Variants in KIAA0586 observed in about 807,000 individuals in gnomAD.
The protein encoded by KIAA0586 is KIAA0586, also known as protein TALPID3.
In KIAA0586, 144 loss-of-function variants were observed where a neutral mutation model predicts 169.8. The ratio of observed to expected loss-of-function variants is 0.85; its 90% CI spans 0.74 to 0.97. The LOEUF is 0.97. Ranked by LOEUF, KIAA0586 falls within the 50% of genes least tolerant of loss-of-function variation. The pLI is 0.00. For synonymous variants in KIAA0586, 625 were observed against 612.4 expected (o/e 1.02, Z -0.30); for missense variants, 1,854 against 1,823.0 (o/e 1.02, Z -0.31).
In KIAA0586 at chr14:58,529,319, A is replaced by G. The variant is rs182635329; in HGVS notation, c.4430-10752A>G. 1.3e-3 allele frequency among the ~76,000 whole-genome samples: 198 copies of G among 152,348 alleles called. 1 individual carries two copies. The highest frequency in any genetic ancestry group is 2.2e-3 in the Non-Finnish European group (152 of 68,032). ...TATTCCTTCTGAAACTATTCCAAAG[A>G]ATAGAAAAAGAGAGACTGCTCCCTT... is the stretch of plus-strand genomic sequence containing the variant. On this transcript the variant is annotated intron_variant, in intron 29 of 30. Transcript: ENST00000652326.
At chr14:58,521,409 G>A in intron 29 of KIAA0586, 1 of 829,492 alleles carries the variant, frequency 1.2e-6, no homozygotes, top group Non-Finnish European at 2.1e-6. Flanking sequence ...TGAGAGAAAT[G>A]CCCGGGCCGC....
intron 6 of KIAA0586, among the ~76,000 whole-genome samples, chr14:58,445,762 C>T (rs1448156476): frequency 1.4e-5 from 2 of 141,286 alleles, no homozygotes; most frequent in Admixed American, 7.3e-5. Flanking sequence ...TCCTAGAACA[C>T]GACTTAGCAC....
intron 4 of KIAA0586, among the ~76,000 whole-genome samples, chr14:58,436,028 A>G (rs776050602): frequency 6.6e-6 from 1 of 152,172 alleles, no homozygotes; most frequent in Non-Finnish European, 1.5e-5. Context: ...CATTCTTAAC[A>G]TGAAGGACAA....
chr14:58,477,228 GACTTCTGACATTGGTAA>G lies in KIAA0586; in HGVS notation c.2932_2944+4del, dbSNP rs1278372009. The stretch of plus-strand genomic sequence containing the variant: ...CAGTCAGTGAGACAAGTGAACCACT[GACTTCTGACATTGGTAA>G]GTGAAATAGAATTTTTTTTTGTTTT... On this transcript the variant is annotated splice_donor_variant and splice_donor_region_variant and coding_sequence_variant and intron_variant, in exon 20 of 31. Coordinates refer to ENST00000652326, the MANE Select transcript of KIAA0586 (RefSeq NM_001329943.3). LOFTEE classifies it high-confidence loss of function. 11 of 1,534,618 alleles carry G rather than the reference GACTTCTGACATTGGTAA, an allele frequency of 7.2e-6. No homozygotes were observed. The highest frequency in any genetic ancestry group is 1.4e-5 in the African/African-American group (1 of 73,420).
chr14:58,471,963 G>T (rs1387657972), intron 17 of KIAA0586, among the ~76,000 whole-genome samples: 1 of 152,106 alleles, frequency 6.6e-6, no homozygotes, highest in African/African-American at 2.4e-5. Context: ...TGCTGATGGA[G>T]TCCTTTACAG....
rs2043338718 is a variant in KIAA0586 at position 58,498,694 on chromosome 14, A to AG, written c.3991-86dup. 7 of 1,096,374 alleles carry AG rather than the reference A, an allele frequency of 6.4e-6. No individual in the cohort carries two copies. The East Asian group carries it at 1.8e-4, about 28-fold the overall frequency. The allele number at this position is 1,096,374 out of a possible 1,614,324, so 67.9% of individuals were successfully genotyped here. A position where few individuals can be genotyped will look rare whatever the true frequency, so the allele number is the denominator to read the frequency against. ...TGTAAAATACCTTCCAAGGAGTCAAAGGGTATTGTTCATGATATTTGGCAA... is the reference window on the plus strand; with the variant it reads ...TGTAAAATACCTTCCAAGGAGTCAAAGGGGTATTGTTCATGATATTTGGCAA... On this transcript the variant is annotated intron_variant, in intron 26 of 30. Coordinates refer to ENST00000652326, the MANE Select transcript of KIAA0586 (RefSeq NM_001329943.3).
chr14:58,442,973 A>G, intron 5 of KIAA0586, 93 bp downstream of exon 5: 1 of 913,560 alleles, frequency 1.1e-6, no homozygotes, highest in East Asian at 2.7e-5. Context: ...GTCCAGTTAT[A>G]GACTAGGAAC....
At chr14:58,524,016 G>T (rs559474345) in intron 29 of KIAA0586, among the ~76,000 whole-genome samples, 13 of 152,194 alleles carry the variant, frequency 8.5e-5, no homozygotes, top group South Asian at 8.3e-4. Context: ...ATTTCAAGCA[G>T]GTAACAGTGG....
intron 3 of KIAA0586, among the ~76,000 whole-genome samples, chr14:58,431,542 C>G (rs775322014): frequency 1.1e-4 from 17 of 152,180 alleles, no homozygotes; most frequent in Middle Eastern, 3.2e-3. Flanking sequence ...GTTGGGATTA[C>G]AGGCGTGAGC....
intron 15 of KIAA0586, among the ~76,000 whole-genome samples, chr14:58,466,851 T>C (rs1382957333): frequency 1.3e-5 from 2 of 152,236 alleles, no homozygotes; most frequent in African/African-American, 4.8e-5. Context: ...ACTTTTGAAC[T>C]AGGCTATCAT....
At chr14:58,462,893 A>G (rs984354680) in intron 14 of KIAA0586, among the ~76,000 whole-genome samples, 4 of 152,172 alleles carry the variant, frequency 2.6e-5, no homozygotes, top group African/African-American at 7.2e-5. Flanking sequence ...TTAAAGCATC[A>G]GATCTCATGA....
intron 30 of KIAA0586, among the ~76,000 whole-genome samples, chr14:58,547,172 G>T (rs950974509): frequency 1.4e-5 from 2 of 140,196 alleles, no homozygotes; most frequent in Non-Finnish European, 3.1e-5. Context: ...AAAAAAAAAA[G>T]TTCTTGCTCT....
intron 29 of KIAA0586, among the ~76,000 whole-genome samples, chr14:58,536,005 G>A (rs945976561): frequency 8.5e-5 from 13 of 152,050 alleles, no homozygotes; most frequent in African/African-American, 3.1e-4. Context: ...GACTCTTACT[G>A]AAAATAGCAT....
rs2042843906 is a variant in KIAA0586 at position 58,491,699 on chromosome 14, A to G, written c.3859-445A>G. Among the ~76,000 whole-genome samples, 5 of 152,196 alleles carry G rather than the reference A, an allele frequency of 3.3e-5. No homozygotes were observed. In the South Asian group the frequency reaches 6.2e-4, roughly 19 times the overall value. The stretch of plus-strand genomic sequence containing the variant: ...GGACATTGAGGTCTATAGCTGCCAT[A>G]CCATACTTCTGCAGTTTTTCATTTT... On this transcript the variant is annotated intron_variant, in intron 25 of 30. Transcript: ENST00000652326.
At chr14:58,538,675 ATT>A (rs76998508) in intron 29 of KIAA0586, among the ~76,000 whole-genome samples, 59 of 133,472 alleles carry the variant, frequency 4.4e-4, no homozygotes, top group Non-Finnish European at 4.1e-4. Flanking sequence ...CATTCTTTCT[ATT>A]TTTTTTTTTT....
Position 58,523,567 on chromosome 14 carries a change from T to G in KIAA0586, c.4429+10940T>G, listed in dbSNP as rs552528159. ...TATTACAAATAATTTAACCTTATAA[T>G]CACAGAGGTAAATACAGATTTGATA... On this transcript the variant is annotated intron_variant, in intron 29 of 30. Coordinates refer to ENST00000652326, the MANE Select transcript of KIAA0586 (RefSeq NM_001329943.3). Among the ~76,000 whole-genome samples, 14 of 152,144 alleles carry G rather than the reference T, an allele frequency of 9.2e-5. 1 individual carries two copies. In the South Asian group the frequency reaches 2.9e-3, roughly 32 times the overall value.
Position 58,472,231 on chromosome 14 carries a change from G to A in KIAA0586, c.2586G>A (p.Glu862=), listed in dbSNP as rs2141002433. The A allele has an allele frequency of 1.3e-6, 2 of 1,587,538 alleles. No homozygotes were observed. Among genetic ancestry groups the A allele is most frequent in the Middle Eastern group, 1.7e-4 (1 of 6,004 alleles). ...TPEIMKVDEE[E]VKFPGTNFDE... ...AAATTATGAAGGTAGATGAAGAAGA[G>A]GTGAAGTTTCCAGGAACTAACTTTG... The change falls in exon 18 of 31, where the codon GAG becomes GAA. Residue 862 remains glutamate, a synonymous_variant. Transcript: ENST00000652326.
intron 21 of KIAA0586, among the ~76,000 whole-genome samples, chr14:58,483,743 A>G (rs1333802924): frequency 6.6e-6 from 1 of 152,206 alleles, no homozygotes; most frequent in Admixed American, 6.5e-5. Flanking sequence ...AAATTATACA[A>G]AGCCAAAATT....
At chr14:58,528,608 G>A (rs61215281) in intron 29 of KIAA0586, among the ~76,000 whole-genome samples, 2,003 of 152,164 alleles carry the variant, frequency 0.013, 50 homozygotes, top group African/African-American at 0.045. Flanking sequence ...GTGACTACTC[G>A]GTAAATAATG....
Sources: allele counts gnomAD v4.1 joint callset (sites outside exome capture counted in the v4.1 genomes callset), GRCh38; gene constraint gnomAD v4.1.1; transcripts MANE v1.5; gene names NCBI Gene and HGNC (gene_info 2026-07-23, HGNC 2026-07-21).